SOS2: variants seen among roughly 807,000 people sequenced by gnomAD.
SOS2 encodes son of sevenless homolog 2.
In SOS2, 65 loss-of-function variants were observed where a neutral mutation model predicts 148.2. That is an observed-to-expected ratio of 0.44 (90% CI 0.36 to 0.54). The LOEUF (loss-of-function observed/expected upper bound fraction) is 0.54. SOS2 is among the 20% of genes least tolerant of loss of function. The probability of loss-of-function intolerance (pLI) is 0.00; values close to 1 mark genes in which losing one functional copy is unlikely to be tolerated. For missense variants in SOS2, 1,341 were observed against 1,590.2 expected (o/e 0.84, Z 2.67); for synonymous variants, 539 against 537.1 (o/e 1.00, Z -0.05).
At chr14:50,218,546 A>G (rs562898471) in intron 1 of SOS2, among the ~76,000 whole-genome samples, 1 of 152,196 alleles carries the variant, frequency 6.6e-6, no homozygotes, top group East Asian at 1.9e-4. Context: ...AAAAACAAAA[A>G]CAAAAAAACA....
chr14:50,208,915 T>C (rs1886766261), intron 1 of SOS2, among the ~76,000 whole-genome samples: 1 of 152,202 alleles, frequency 6.6e-6, no homozygotes, highest in Non-Finnish European at 1.5e-5. Context: ...GGTTACACAC[T>C]ATTTCTGGGT....
chr14:50,174,453 C>T lies in SOS2; in HGVS notation c.1068+1G>A, dbSNP rs752367883. 2 of 1,559,700 alleles carry T rather than the reference C, an allele frequency of 1.3e-6. No individual in the cohort carries two copies. The highest frequency in any genetic ancestry group is 1.2e-5 in the South Asian group (1 of 86,196). On this transcript the variant is annotated splice_donor_variant, in intron 8 of 22. Transcript: ENST00000216373. LOFTEE classifies it high-confidence loss of function. Reference sequence around the variant, plus strand: ...TTTGAGATTCTGTTATAAAACCTTACCTTTAGTAACTCAAAGTAGTGCCAA... The same window carrying T: ...TTTGAGATTCTGTTATAAAACCTTATCTTTAGTAACTCAAAGTAGTGCCAA...
intron 19 of SOS2, among the ~76,000 whole-genome samples, chr14:50,131,535 C>A (rs1566819620): frequency 1.3e-5 from 2 of 150,826 alleles, no homozygotes. Context: ...CATGTCTGAA[C>A]AGTTTGAGAT....
intron 5 of SOS2, among the ~76,000 whole-genome samples, chr14:50,187,186 T>A (rs183160917): frequency 1.3e-5 from 2 of 151,988 alleles, no homozygotes; most frequent in Admixed American, 1.3e-4. Flanking sequence ...AAATTTTAAA[T>A]TTTTTTGTAG....
At chr14:50,202,466 C>T (rs1299025747) in intron 2 of SOS2, among the ~76,000 whole-genome samples, 1 of 152,110 alleles carries the variant, frequency 6.6e-6, no homozygotes, top group Non-Finnish European at 1.5e-5. Context: ...GGCATGGTGG[C>T]CCATGCCTCT....
intron 16 of SOS2, among the ~76,000 whole-genome samples, chr14:50,143,905 T>C (rs1028981035): frequency 1.3e-5 from 2 of 150,960 alleles, no homozygotes; most frequent in Non-Finnish European, 2.9e-5. Context: ...GTGATCCTCC[T>C]GTCTCTGCCT....
intron 8 of SOS2, among the ~76,000 whole-genome samples, chr14:50,170,529 T>C (rs1885327225): frequency 6.6e-6 from 1 of 151,476 alleles, no homozygotes; most frequent in Non-Finnish European, 1.5e-5. Context: ...CTACAAAAAA[T>C]TTAAAAATTA....
At position 50,159,655 on chromosome 14, in the gene SOS2, TG is replaced by T; in HGVS notation, c.1627del (p.His543IlefsTer6). ...NNWMAALISL[H>X]YRSTLDRMLD... ...CATTCGATCTAGAGTACTACGATAA[TG>T]AAGAGAAATAAGGGCTGCCATCCAG... is the stretch of plus-strand genomic sequence containing the variant. On this transcript the variant is annotated frameshift_variant, in exon 10 of 23. Transcript: ENST00000216373. LOFTEE classifies it high-confidence loss of function. 6.2e-7 allele frequency: 1 copy of T among 1,613,990 alleles called. No individual in the cohort carries two copies. Among genetic ancestry groups the T allele is most frequent in the African/African-American group, 1.3e-5 (1 of 75,060 alleles).
At position 50,159,700 on chromosome 14, in the gene SOS2, G is replaced by C. The variant is rs1174978337; in HGVS notation, c.1583C>G (p.Ser528Cys). ...DENSIIFAAKSAEEKNNWMAA... is the reference protein window; with the variant it reads ...DENSIIFAAKCAEEKNNWMAA... ...CATCCAGTTGTTTTTTTCTTCAGCA[G>C]ACTTAGCAGCAAATATTATGCTGTT... Residue 528 changes from serine to cysteine, a missense_variant, in exon 10 of 23, where the codon TCT becomes TGT. By Grantham distance (112) the Ser-to-Cys change is moderately radical. Around this residue, in one of 4 missense-constraint regions of SOS2, gnomAD observed 574 missense variants for 711.1 expected, o/e 0.81. Transcript: ENST00000216373. The C allele has an allele frequency of 6.2e-7, 1 of 1,614,044 alleles. No homozygotes were observed. Among genetic ancestry groups the C allele is most frequent in the Non-Finnish European group, 8.5e-7 (1 of 1,179,986 alleles).
intron 10 of SOS2, among the ~76,000 whole-genome samples, chr14:50,159,070 G>GTA (rs1884912541): frequency 6.6e-6 from 1 of 151,918 alleles, no homozygotes; most frequent in Admixed American, 6.6e-5. Flanking sequence ...GGCGCCTATA[G>GTA]TCCCAGCTAC....
chr14:50,228,706 C>T (rs1362287890), intron 1 of SOS2, among the ~76,000 whole-genome samples: 2 of 152,180 alleles, frequency 1.3e-5, no homozygotes, highest in Non-Finnish European at 2.9e-5. Context: ...ACAAATACCC[C>T]TTACTGAACT....
At chr14:50,188,767 A>G (rs1886009132) in intron 4 of SOS2, 67 bp from the exon 5 acceptor site, 2 of 1,082,710 alleles carry the variant, frequency 1.8e-6, no homozygotes, top group East Asian at 5.2e-5. Context: ...GCCTCAAAGT[A>G]CTTGAAATCT....
chr14:50,129,241 TC>T (rs1480840115), intron 21 of SOS2, among the ~76,000 whole-genome samples: 1 of 152,114 alleles, frequency 6.6e-6, no homozygotes, highest in Non-Finnish European at 1.5e-5. Context: ...ACTGAGGATA[TC>T]CCGGGAACCT....
chr14:50,129,165 T>C (rs1194897975), intron 21 of SOS2, among the ~76,000 whole-genome samples: 6 of 152,164 alleles, frequency 3.9e-5, no homozygotes, highest in African/African-American at 7.2e-5. Flanking sequence ...TTAGGAATGA[T>C]AGAATAGTGC....
At chr14:50,215,567 T>C in intron 1 of SOS2, 1 of 858,516 alleles carries the variant, frequency 1.2e-6, no homozygotes, top group South Asian at 2.0e-5. Flanking sequence ...CAGACCTGTA[T>C]TTTAGTTACA....
chr14:50,207,486 G>A (rs1047081643), intron 1 of SOS2, among the ~76,000 whole-genome samples: 3 of 152,042 alleles, frequency 2.0e-5, no homozygotes, highest in African/African-American at 7.2e-5. Flanking sequence ...GCTCCAGCCT[G>A]GGGGAATGAG....
rs1951925663 is a variant in SOS2 at position 50,133,614 on chromosome 14, A to G, written c.3075+509T>C. 2.6e-5 allele frequency among the ~76,000 whole-genome samples: 4 copies of G among 152,080 alleles called. No homozygotes were observed. The South Asian group carries it at 8.3e-4, about 31-fold the overall frequency. ...TTGGTTTGTGTTTTTACTTCCTTCT[A>G]TATCTTGCTTCACTTTTAGCTACTT... On this transcript the variant is annotated intron_variant, in intron 19 of 22. Coordinates refer to ENST00000216373, the MANE Select transcript of SOS2 (RefSeq NM_006939.4).
At chr14:50,118,987 A>G in intron 22 of SOS2, 134 bp from the exon 23 acceptor site, 1 of 522,584 alleles carries the variant, frequency 1.9e-6, no homozygotes, top group Admixed American at 3.6e-5. Context: ...TAATTATCAG[A>G]TTATGAGTAC....
intron 1 of SOS2, among the ~76,000 whole-genome samples, chr14:50,209,093 C>T (rs9323182): frequency 0.88 from 134,567 of 152,180 alleles, 59,612 homozygotes; most frequent in East Asian, 0.91. Flanking sequence ...AGCTGGGACA[C>T]CGGTCTTCTG....
Sources: gnomAD v4.1 joint callset for allele counts (sites outside exome capture counted in the v4.1 genomes callset) on GRCh38, gnomAD v4.1.1 for gene constraint, gnomAD v4.1.1 regional missense constraint, MANE v1.5 for transcripts, NCBI Gene and HGNC (gene_info 2026-07-23, HGNC 2026-07-21) for gene names.